The following FAM149B1 variants were observed in gnomAD, a reference collection of about 807,000 sequenced individuals.
The protein encoded by FAM149B1 is primary cilium assembly protein FAM149B1.
Under a neutral mutation model 75.3 loss-of-function variants are expected in FAM149B1, and 56 were observed. The ratio of observed to expected loss-of-function variants is 0.74; its 90% CI spans 0.60 to 0.93. The LOEUF (loss-of-function observed/expected upper bound fraction) is 0.93. Ranked by LOEUF, FAM149B1 falls within the 40% of genes least tolerant of loss-of-function variation. The pLI is 0.00. For missense variants in FAM149B1, 639 were observed against 708.4 expected (o/e 0.90, Z 1.11); for synonymous variants, 259 against 256.1 (o/e 1.01, Z -0.11).
Position 73,235,221 on chromosome 10 carries a change from A to C in FAM149B1, c.1505A>C (p.Gln502Pro). 1 of 1,551,756 alleles carries C rather than the reference A, an allele frequency of 6.4e-7. No individual in the cohort carries two copies. Among genetic ancestry groups the C allele is most frequent in the Non-Finnish European group, 8.7e-7 (1 of 1,146,978 alleles). ...MKPHGDSSRA[Q>P]SAVVDEPNYQ... ...CCCCATGGCGACTCTAGTCGAGCTC[A>C]AAGTGCGGTGGTGGATGAACCTAAC... Residue 502 changes from glutamine (Q) to proline (P), a missense_variant, in exon 12 of 14, where the codon CAA (glutamine) becomes CCA (proline). Coordinates refer to ENST00000242505, the MANE Select transcript of FAM149B1 (RefSeq NM_173348.2).
intron 3 of FAM149B1, among the ~76,000 whole-genome samples, chr10:73,178,503 C>A (rs962538305): frequency 1.6e-4 from 22 of 140,646 alleles, no homozygotes; most frequent in African/African-American, 4.3e-4. Flanking sequence ...AAAAAAAAAA[C>A]AACAACAAAC....
intron 1 of FAM149B1, among the ~76,000 whole-genome samples, chr10:73,172,115 A>G (rs576877427): frequency 1.3e-5 from 2 of 152,140 alleles, no homozygotes; most frequent in Non-Finnish European, 2.9e-5. Flanking sequence ...CAATTCATAG[A>G]TTTCCCTGGC....
chr10:73,201,049 G>C (rs1201698731), intron 5 of FAM149B1: 1 of 323,490 alleles, frequency 3.1e-6, no homozygotes, highest in African/African-American at 2.2e-5. Context: ...TATAAACTAT[G>C]ATCTACCTAG....
intron 5 of FAM149B1, among the ~76,000 whole-genome samples, chr10:73,199,307 C>T (rs1285394101): frequency 6.6e-6 from 1 of 151,912 alleles, no homozygotes; most frequent in Non-Finnish European, 1.5e-5. Flanking sequence ...AAGCTCCGCC[C>T]CCCAGGTTCA....
Position 73,243,423 on chromosome 10 carries a change from C to A in FAM149B1, c.*2404C>A. 6.2e-7 allele frequency: 1 copy of A among 1,613,890 alleles called. No homozygotes were observed. Among genetic ancestry groups the A allele is most frequent in the Non-Finnish European group, 8.5e-7 (1 of 1,179,870 alleles). On this transcript the variant is annotated 3_prime_UTR_variant, in exon 14 of 14. Transcript: ENST00000242505. ...CATTATTTCTTTTCTTTCTTGAGAGCAGATTTTTTCCCTCCTCCTTTGGAA... is the reference window on the plus strand; with the variant it reads ...CATTATTTCTTTTCTTTCTTGAGAGAAGATTTTTTCCCTCCTCCTTTGGAA...
At chr10:73,236,194 T>C (rs1246641715) in intron 12 of FAM149B1, among the ~76,000 whole-genome samples, 2 of 150,780 alleles carry the variant, frequency 1.3e-5, no homozygotes, top group African/African-American at 4.9e-5. Flanking sequence ...ATTAGTTTCC[T>C]AGGGCTTAAG....
chr10:73,219,018 T>A (rs769250688), intron 7 of FAM149B1, among the ~76,000 whole-genome samples: 2 of 152,172 alleles, frequency 1.3e-5, no homozygotes. Context: ...CTCCCTCCAG[T>A]GGCCAATAAC....
At chr10:73,200,094 C>T (rs954020790) in intron 5 of FAM149B1, 3 of 168,454 alleles carry the variant, frequency 1.8e-5, no homozygotes, top group Non-Finnish European at 3.9e-5. Context: ...TTTGGGAGGC[C>T]GAGGCGGGTA....
Position 73,230,426 on chromosome 10 carries a change from GTC to G in FAM149B1, c.1032_1033del (p.Cys345SerfsTer11), listed in dbSNP as rs1407370915. 1.4e-5 allele frequency: 21 copies of G among 1,528,606 alleles called. No homozygotes were observed. The highest frequency in any genetic ancestry group is 1.8e-5 in the Non-Finnish European group (20 of 1,125,834). 94.7% of individuals were successfully genotyped at this position (1,528,606 alleles called of 1,614,324 possible). On this transcript the variant is annotated frameshift_variant, in exon 9 of 14. Coordinates refer to ENST00000242505, the MANE Select transcript of FAM149B1 (RefSeq NM_173348.2). LOFTEE classifies it high-confidence loss of function. ...CTGTCTTCTTTCAACACGTAGATGA[GTC>G]TCTGTCAAGCAAGCAGACATCAGCC...
chr10:73,225,938 C>T (rs1179248202), intron 7 of FAM149B1, among the ~76,000 whole-genome samples: 1 of 152,030 alleles, frequency 6.6e-6, no homozygotes, highest in African/African-American at 2.4e-5. Context: ...CAGGCTGTAC[C>T]ATTTAGCTAA....
chr10:73,192,648 G>A lies in FAM149B1; in HGVS notation c.375G>A (p.Lys125=). Reference sequence around the variant, plus strand: ...AGCAGAAGTTGAGTGTGCATACCAAGAGTCTACAAGAAGAGTGCCAACAGT... The same window carrying A: ...AGCAGAAGTTGAGTGTGCATACCAAAAGTCTACAAGAAGAGTGCCAACAGT... ...LYEQKLSVHT[K]SLQEECQQWT... The change falls in exon 4 of 14, where the codon AAG becomes AAA. Residue 125 remains lysine, a synonymous_variant. Transcript: ENST00000242505. 4.5e-6 allele frequency: 7 copies of A among 1,551,290 alleles called. No homozygotes were observed. The highest frequency in any genetic ancestry group is 1.4e-5 in the African/African-American group (1 of 73,118).
At chr10:73,230,153 C>T in intron 8 of FAM149B1, 5 of 322,238 alleles carry the variant, frequency 1.6e-5, no homozygotes, top group Admixed American at 4.1e-5. Flanking sequence ...GTCCTCACTC[C>T]CTGTAAGAGG....
chr10:73,200,611 C>T (rs2042912476), intron 5 of FAM149B1: 2 of 681,102 alleles, frequency 2.9e-6, no homozygotes, highest in East Asian at 4.3e-5. Flanking sequence ...ATGAGATTTT[C>T]CAAAAATTAA....
intron 7 of FAM149B1, among the ~76,000 whole-genome samples, chr10:73,218,382 G>A (rs1405584505): frequency 6.6e-6 from 1 of 152,056 alleles, no homozygotes; most frequent in Non-Finnish European, 1.5e-5. Flanking sequence ...GAACTTTGGG[G>A]GTCTGACAAC....
intron 2 of FAM149B1, among the ~76,000 whole-genome samples, chr10:73,175,636 C>T (rs550348235): frequency 2.1e-5 from 3 of 144,212 alleles, no homozygotes; most frequent in African/African-American, 7.8e-5. Context: ...CACCACTGCA[C>T]TCCAGCCTGG....
chr10:73,213,467 T>C (rs2043234699), intron 7 of FAM149B1, among the ~76,000 whole-genome samples: 1 of 152,190 alleles, frequency 6.6e-6, no homozygotes, highest in African/African-American at 2.4e-5. Context: ...AGGTCTTGGG[T>C]TTAAGTCTTT....
chr10:73,187,309 A>G (rs1322202467), intron 3 of FAM149B1, among the ~76,000 whole-genome samples: 1 of 151,442 alleles, frequency 6.6e-6, no homozygotes, highest in African/African-American at 2.4e-5. Context: ...TGCACTCTCT[A>G]TCAAAATCCT....
intron 1 of FAM149B1, among the ~76,000 whole-genome samples, chr10:73,170,961 T>G (rs1033841441): frequency 1.3e-5 from 2 of 151,228 alleles, no homozygotes; most frequent in Non-Finnish European, 2.9e-5. Context: ...TATAGTTGTA[T>G]CAGTTTTCTT....
At chr10:73,187,708 A>G (rs1469697370) in intron 3 of FAM149B1, among the ~76,000 whole-genome samples, 1 of 151,162 alleles carries the variant, frequency 6.6e-6, no homozygotes, top group Non-Finnish European at 1.5e-5. Context: ...CAGCCTGGGC[A>G]ACAAGAGTGA....
Sources: allele counts gnomAD v4.1 joint callset (sites outside exome capture counted in the v4.1 genomes callset), GRCh38; gene constraint gnomAD v4.1.1; transcripts MANE v1.5; gene names NCBI Gene and HGNC (gene_info 2026-07-23, HGNC 2026-07-21).